COPG2: variants seen among roughly 807,000 people sequenced by gnomAD.
COPG2 encodes the protein coatomer subunit gamma-2.
Under a neutral mutation model 46.3 loss-of-function variants are expected in COPG2, and 37 were observed. That is an observed-to-expected ratio of 0.80 (90% confidence interval 0.61 to 1.05). The LOEUF (loss-of-function observed/expected upper bound fraction) is 1.05, where lower values mean the gene tolerates loss of function less well. Among genes scored for constraint, COPG2 ranks in the 50% least tolerant of loss-of-function variants. COPG2 has a pLI of 0.00. For synonymous variants in COPG2, 159 were observed against 129.7 expected (o/e 1.23, Z -1.53); for missense variants, 427 against 387.8 (o/e 1.10, Z -0.85).
At chr7:130,613,679 C>T (rs4731696) in intron 6 of COPG2, 43 bp from the exon 7 acceptor site, 1,074,202 of 1,300,076 alleles carry the variant, frequency 0.83, 445,862 homozygotes, top group Non-Finnish European at 0.85. Context: ...GAAAAACATG[C>T]TTATGCAAAA....
intron 20 of COPG2, among the ~76,000 whole-genome samples, chr7:130,521,520 G>GC (rs1345979873): frequency 1.1e-4 from 16 of 152,130 alleles, no homozygotes; most frequent in Admixed American, 2.6e-4. Context: ...TTAACAATGT[G>GC]CTCTTCCAAG....
chr7:130,508,482 TAG>T (rs1799540342), intron 21 of COPG2, 78 bp downstream of exon 21: 5 of 680,040 alleles, frequency 7.4e-6, no homozygotes, highest in Non-Finnish European at 1.4e-5. Flanking sequence ...CAGATGCTCC[TAG>T]AAAAATGTTC....
At chr7:130,639,920 AT>A (rs1554456946) in intron 5 of COPG2, among the ~76,000 whole-genome samples, 1 of 152,082 alleles carries the variant, frequency 6.6e-6, no homozygotes, top group Non-Finnish European at 1.5e-5. Flanking sequence ...GTAAGAAAAG[AT>A]AGAAAGAAAA....
At chr7:130,583,513 A>AAAAAAG (rs1794199353) in intron 9 of COPG2, among the ~76,000 whole-genome samples, 1 of 148,602 alleles carries the variant, frequency 6.7e-6, no homozygotes, top group African/African-American at 2.5e-5. Context: ...AAAAAAAAAA[A>AAAAAAG]AAAAAAGCCC....
At position 130,623,638 on chromosome 7, in the gene COPG2, T is replaced by C. The variant is rs572428912; in HGVS notation, c.324-6573A>G. Among the ~76,000 whole-genome samples, 5 of 152,300 alleles carry C rather than the reference T, an allele frequency of 3.3e-5. No homozygotes were observed. In the South Asian group the frequency reaches 8.3e-4, roughly 25 times the overall value. On this transcript the variant is annotated intron_variant, in intron 5 of 23. Transcript: ENST00000425248. The stretch of plus-strand genomic sequence containing the variant: ...TTTCATTGGGATTCCATTGAATTTA[T>C]AAATTAGTTTAGGGAGGAATAAAAT...
At chr7:130,621,443 T>G (rs1338482684) in intron 5 of COPG2, among the ~76,000 whole-genome samples, 3 of 152,186 alleles carry the variant, frequency 2.0e-5, no homozygotes, top group Non-Finnish European at 2.9e-5. Flanking sequence ...TCACAACTAC[T>G]CAATTCTGTA....
chr7:130,572,773 A>G (rs1192943397), intron 9 of COPG2, among the ~76,000 whole-genome samples: 1 of 151,968 alleles, frequency 6.6e-6, no homozygotes, highest in African/African-American at 2.4e-5. Context: ...AGGGTCTCAA[A>G]TCAATAACCT....
At chr7:130,577,825 C>T (rs573613093) in intron 9 of COPG2, among the ~76,000 whole-genome samples, 8 of 152,020 alleles carry the variant, frequency 5.3e-5, no homozygotes, top group South Asian at 4.2e-4. Context: ...GATTACATCC[C>T]GCACCTGGCT....
rs537690339 is a variant in COPG2, at chr7:130,620,550, C to T, written c.324-3485G>A. ...TGCTAGTGACTCTTTTCTTTCCTCTCATTGTCTCCCTTTCTGAATGGGAAT... is the reference window on the plus strand; with the variant it reads ...TGCTAGTGACTCTTTTCTTTCCTCTTATTGTCTCCCTTTCTGAATGGGAAT... On this transcript the variant is annotated intron_variant, in intron 5 of 23. Transcript: ENST00000425248. 1.3e-4 allele frequency among the ~76,000 whole-genome samples: 20 copies of T among 152,302 alleles called. 1 individual carries two copies. In the South Asian group the frequency reaches 3.9e-3, roughly 30 times the overall value.
chr7:130,585,452 CAG>C (rs1314539654), intron 9 of COPG2, among the ~76,000 whole-genome samples: 2 of 151,944 alleles, frequency 1.3e-5, no homozygotes, highest in African/African-American at 2.4e-5. Context: ...GCAATAAAAA[CAG>C]AGATTAAATA....
At chr7:130,635,154 T>C (rs1425295036) in intron 5 of COPG2, among the ~76,000 whole-genome samples, 1 of 151,582 alleles carries the variant, frequency 6.6e-6, no homozygotes. Flanking sequence ...TCATCAGGGT[T>C]ATTGGCCTGA....
At chr7:130,656,742 A>C (rs1795868173) in intron 4 of COPG2, among the ~76,000 whole-genome samples, 1 of 152,048 alleles carries the variant, frequency 6.6e-6, no homozygotes, top group Admixed American at 6.5e-5. Context: ...AATTTCACAA[A>C]ATATGTGCAA....
chr7:130,545,973 T>TG (rs36191240), intron 20 of COPG2, among the ~76,000 whole-genome samples: 1 of 152,200 alleles, frequency 6.6e-6, no homozygotes, highest in Non-Finnish European at 1.5e-5. Context: ...GAATACTTTC[T>TG]GGGGTGTGAG....
At chr7:130,646,969 GTGTATATATA>G (rs1795612726) in intron 5 of COPG2, among the ~76,000 whole-genome samples, 2 of 17,978 alleles carry the variant, frequency 1.1e-4, no homozygotes, top group South Asian at 1.8e-3. Context: ...ATATATATAT[GTGTATATATA>G]TATGTATATA....
chr7:130,545,040 T>TA (rs1793415278), intron 20 of COPG2, among the ~76,000 whole-genome samples: 1 of 152,116 alleles, frequency 6.6e-6, no homozygotes, highest in African/African-American at 2.4e-5. Context: ...TGGAAGAGAT[T>TA]AGAGGGTATG....
chr7:130,651,662 G>A (rs541153965), intron 5 of COPG2, among the ~76,000 whole-genome samples: 5 of 151,258 alleles, frequency 3.3e-5, no homozygotes, highest in East Asian at 1.9e-4. Context: ...GACTACAGGC[G>A]CCCGCCACCG....
chr7:130,513,308 A>ATATATATATATATATAT (rs1554441290), intron 20 of COPG2, among the ~76,000 whole-genome samples: 1 of 55,672 alleles, frequency 1.8e-5, no homozygotes, highest in African/African-American at 9.5e-5. Flanking sequence ...AAAAAAAAAA[A>ATATATATATATATATAT]ATATATATAT....
intron 5 of COPG2, among the ~76,000 whole-genome samples, chr7:130,636,232 A>C (rs1224123053): frequency 6.6e-6 from 1 of 152,128 alleles, no homozygotes; most frequent in Non-Finnish European, 1.5e-5. Context: ...CTTGATCCAG[A>C]GCTGAGTTCA....
rs1793591573 is a variant in COPG2, at chr7:130,554,719, G to C, written c.1230C>G (p.Gly410=). The C allele has an allele frequency of 2.5e-6, 1 of 398,428 alleles. No homozygotes were observed. Among genetic ancestry groups the C allele is most frequent in the Non-Finnish European group, 4.4e-6 (1 of 226,064 alleles). 24.7% of individuals were successfully genotyped at this position (398,428 alleles called of 1,614,324 possible). A position where few individuals can be genotyped will look rare whatever the true frequency, so the allele number is the denominator to read the frequency against. The change falls in exon 14 of 24, where the codon GGC becomes GGG. Residue 410 remains glycine (G), a synonymous_variant. Coordinates refer to ENST00000425248, the MANE Select transcript of COPG2 (RefSeq NM_012133.6). ...CCACAATGGCCCGCTTGTACTCAAA[G>C]CCTCCCTGGCAAAAAAGAAGATAAA... ...FLSNMLRDDG[G]FEYKRAIVDC... is the part of the protein sequence containing the mutation.
Sources: gnomAD v4.1 joint callset for allele counts (sites outside exome capture counted in the v4.1 genomes callset) on GRCh38, gnomAD v4.1.1 for gene constraint, MANE v1.5 for transcripts, NCBI Gene and HGNC (gene_info 2026-07-23, HGNC 2026-07-21) for gene names.